Variants in RANBP2 observed in about 807,000 individuals in gnomAD.
RANBP2 encodes RAN binding protein 2.
RANBP2 carries 57 observed loss-of-function variants against 303.6 expected under a neutral mutation model. The observed-to-expected ratio is 0.19, with a 90% CI of 0.15 to 0.23. The LOEUF is 0.23. RANBP2 is among the 10% of genes least tolerant of loss of function. The pLI is 1.00. For synonymous variants in RANBP2, 1,167 were observed against 1,301.5 expected, an observed-to-expected ratio of 0.90 and a Z score of 2.23; for missense variants, 3,138 against 3,780.8, an observed-to-expected ratio of 0.83 and a Z score of 4.46.
chr2:109,590,378 C>A, the RANBP2 span, among the ~76,000 whole-genome samples: 1 of 151,602 alleles, frequency 6.6e-6, no homozygotes, highest in Non-Finnish European at 1.5e-5. Context: ...AGTCAGTCTT[C>A]GGAAGGGAGA....
the RANBP2 span, among the ~76,000 whole-genome samples, chr2:109,126,291 G>C: frequency 6.6e-6 from 1 of 152,228 alleles, no homozygotes; most frequent in African/African-American, 2.4e-5. Flanking sequence ...AGCTGGGAAA[G>C]GTGGGCTTAA....
At chr2:108,894,042 AT>A in the RANBP2 span, among the ~76,000 whole-genome samples, 30 of 152,282 alleles carry the variant, frequency 2.0e-4, no homozygotes, top group Non-Finnish European at 4.1e-4. Flanking sequence ...CAGTTAAGGT[AT>A]TCCAACAGAC....
rs71381983 is a variant in RANBP2 at position 108,733,847 on chromosome 2, A to ATT, written c.406-1674_406-1673dup. Among the ~76,000 whole-genome samples, 220 of 146,390 alleles carry ATT rather than the reference A, an allele frequency of 1.5e-3. 1 individual carries two copies. Among genetic ancestry groups the ATT allele is most frequent in the Middle Eastern group, 3.5e-3 (1 of 286 alleles). On this transcript the variant is annotated intron_variant, in intron 4 of 28. Transcript: ENST00000283195. Reference sequence around the variant, plus strand: ...CACTGTTACACCTTTCCTGTATCAGATTTTTTTTTTTTGGAATTGAAATCC... The same window carrying ATT: ...CACTGTTACACCTTTCCTGTATCAGATTTTTTTTTTTTTTGGAATTGAAATCC...
At chr2:109,349,710 C>T in the RANBP2 span, among the ~76,000 whole-genome samples, 43 of 152,376 alleles carry the variant, frequency 2.8e-4, no homozygotes, top group African/African-American at 1.0e-3. Flanking sequence ...GCTCTCCACT[C>T]GGGAGAACCC....
chr2:109,489,740 C>T, the RANBP2 span, among the ~76,000 whole-genome samples: 20 of 111,706 alleles, frequency 1.8e-4, no homozygotes, highest in Admixed American at 5.2e-4. Context: ...TTTTTTTTGG[C>T]GGGGGGTGGG....
At chr2:109,332,462 C>G in the RANBP2 span, among the ~76,000 whole-genome samples, 2 of 152,212 alleles carry the variant, frequency 1.3e-5, no homozygotes, top group Non-Finnish European at 2.9e-5. Context: ...CTGAGTGCAG[C>G]AGAAGCAGCA....
chr2:109,582,268 G>GT, the RANBP2 span, among the ~76,000 whole-genome samples: 2 of 151,980 alleles, frequency 1.3e-5, no homozygotes, highest in African/African-American at 4.8e-5. Flanking sequence ...AATCAATATA[G>GT]TTAAAACGGC....
At chr2:108,961,097 G>T in the RANBP2 span, among the ~76,000 whole-genome samples, 5 of 152,302 alleles carry the variant, frequency 3.3e-5, no homozygotes, top group South Asian at 2.1e-4. Context: ...AGAAATGCTC[G>T]GCCACCTCCC....
At chr2:109,390,188 G>A in the RANBP2 span, among the ~76,000 whole-genome samples, 1 of 152,236 alleles carries the variant, frequency 6.6e-6, no homozygotes, top group Non-Finnish European at 1.5e-5. Flanking sequence ...CCTTGTGGCA[G>A]TTCTTGGAGA....
the RANBP2 span, among the ~76,000 whole-genome samples, chr2:109,361,573 A>G: frequency 1.4e-3 from 209 of 152,278 alleles, no homozygotes; most frequent in Middle Eastern, 0.01. Flanking sequence ...TCCCTGGTCC[A>G]AGCAATTCTC....
rs763737596 is a variant in RANBP2, at chr2:108,775,778, C to T, written c.8339C>T (p.Thr2780Ile). The T allele has an allele frequency of 1.9e-5, 31 of 1,613,706 alleles. No homozygotes were observed. Among genetic ancestry groups the T allele is most frequent in the Non-Finnish European group, 2.4e-5 (28 of 1,179,926 alleles). ...EITSTTDSVY[T>I]GGTEVMVPSF... Reference sequence around the variant, plus strand: ...ACTAGCACAACTGACAGTGTATATACAGGTGGGACTGAAGTGATGGTACCT... The same window carrying T: ...ACTAGCACAACTGACAGTGTATATATAGGTGGGACTGAAGTGATGGTACCT... The change falls in exon 24 of 29, where the codon ACA becomes ATA. Residue 2780 changes from threonine to isoleucine, a missense_variant. This residue lies in a region of RANBP2 where 497 missense variants were observed against 465.8 expected (regional missense o/e 1.07). Coordinates refer to ENST00000283195, the MANE Select transcript of RANBP2 (RefSeq NM_006267.5).
At chr2:109,278,183 A>AG in the RANBP2 span, among the ~76,000 whole-genome samples, 1 of 151,882 alleles carries the variant, frequency 6.6e-6, no homozygotes, top group Admixed American at 6.6e-5. Flanking sequence ...TCTTAAAAAA[A>AG]AAAAAATCAA....
At chr2:109,589,015 C>T in the RANBP2 span, among the ~76,000 whole-genome samples, 2 of 151,874 alleles carry the variant, frequency 1.3e-5, no homozygotes, top group African/African-American at 4.8e-5. Flanking sequence ...TGTAAAATGT[C>T]CACCTCCCGA....
At chr2:109,348,051 A>G in the RANBP2 span, 56 of 1,439,316 alleles carry the variant, frequency 3.9e-5, no homozygotes, top group Middle Eastern at 7.4e-4. Flanking sequence ...CTTTCTTCAG[A>G]GTCTGAATCC....
the RANBP2 span, among the ~76,000 whole-genome samples, chr2:108,892,963 TTGTC>T: frequency 2.6e-5 from 4 of 152,368 alleles, no homozygotes; most frequent in African/African-American, 7.2e-5. Flanking sequence ...GTAGCCATCT[TTGTC>T]TGTGCTATTT....
intron 17 of RANBP2, among the ~76,000 whole-genome samples, chr2:108,755,782 G>A (rs937390717): frequency 2.3e-4 from 35 of 151,616 alleles, no homozygotes; most frequent in African/African-American, 8.2e-4. Context: ...GGAGTGCAGT[G>A]GTGCGATCTT....
the RANBP2 span, among the ~76,000 whole-genome samples, chr2:109,144,035 ACGAGGCGC>A: frequency 7.2e-5 from 11 of 152,346 alleles, no homozygotes; most frequent in Middle Eastern, 3.4e-3. Flanking sequence ...AAAGGTGGTT[ACGAGGCGC>A]CGGAAGTGTG....
the RANBP2 span, among the ~76,000 whole-genome samples, chr2:109,394,846 C>T: frequency 5.3e-5 from 8 of 152,178 alleles, no homozygotes; most frequent in Admixed American, 1.3e-4. Flanking sequence ...GGCCTGTGCG[C>T]GAGACGAGTC....
chr2:109,597,088 CT>C, the RANBP2 span, among the ~76,000 whole-genome samples: 5 of 152,070 alleles, frequency 3.3e-5, no homozygotes, highest in African/African-American at 1.2e-4. Flanking sequence ...GATGGGACCA[CT>C]GGCACATCCC....
Sources: allele counts gnomAD v4.1 joint callset (sites outside exome capture counted in the v4.1 genomes callset), GRCh38; gene constraint gnomAD v4.1.1; regional missense constraint gnomAD v4.1.1; transcripts MANE v1.5; gene names NCBI Gene and HGNC (gene_info 2026-07-23, HGNC 2026-07-21).